Variants in DCC observed in about 807,000 individuals in gnomAD.
DCC encodes the protein DCC netrin 1 receptor.
DCC carries 58 observed loss-of-function variants against 172.5 expected under a neutral mutation model. The observed-to-expected ratio is 0.34, with a 90% CI of 0.27 to 0.42. DCC has a LOEUF of 0.42. DCC is among the 10% of genes least tolerant of loss of function. DCC has a pLI of 1.00. For missense variants in DCC, 1,740 were observed against 1,791.0 expected (o/e 0.97, Z 0.51); for synonymous variants, 709 against 644.5 (o/e 1.10, Z -1.52).
At chr18:52,827,835 C>T (rs1478234263) in intron 2 of DCC, among the ~76,000 whole-genome samples, 1 of 152,212 alleles carries the variant, frequency 6.6e-6, no homozygotes, top group Non-Finnish European at 1.5e-5. Flanking sequence ...CAAGTGAGGG[C>T]TTCAACTGAA....
At chr18:52,929,034 G>C (rs907097915) in intron 5 of DCC, among the ~76,000 whole-genome samples, 2 of 152,052 alleles carry the variant, frequency 1.3e-5, no homozygotes, top group Non-Finnish European at 2.9e-5. Flanking sequence ...CATGTATCCT[G>C]ATCCAGGCTC....
intron 21 of DCC, among the ~76,000 whole-genome samples, chr18:53,417,574 A>G (rs1910391112): frequency 6.6e-6 from 1 of 152,196 alleles, no homozygotes; most frequent in Non-Finnish European, 1.5e-5. Flanking sequence ...TTGCAGTTAT[A>G]AAACAATTGA....
intron 9 of DCC, among the ~76,000 whole-genome samples, chr18:53,198,777 G>C (rs1598897880): frequency 1.3e-5 from 2 of 152,278 alleles, no homozygotes; most frequent in East Asian, 3.9e-4. Context: ...TAGTTGGATA[G>C]GCTGACATTG....
chr18:53,514,539 G>T (rs1252591229), intron 27 of DCC, among the ~76,000 whole-genome samples: 1 of 152,022 alleles, frequency 6.6e-6, no homozygotes, highest in African/African-American at 2.4e-5. Context: ...CAACAAAATT[G>T]ATAGACCACT....
intron 1 of DCC, among the ~76,000 whole-genome samples, chr18:52,361,384 T>C (rs965569731): frequency 7.9e-5 from 12 of 152,226 alleles, no homozygotes; most frequent in African/African-American, 2.7e-4. Flanking sequence ...CTGAGTTGTG[T>C]TTTCTTTCTA....
chr18:52,685,080 C>A (rs1254422109), intron 1 of DCC, among the ~76,000 whole-genome samples: 1 of 151,874 alleles, frequency 6.6e-6, no homozygotes, highest in African/African-American at 2.4e-5. Context: ...CAAATTAGTT[C>A]AATTAAGGAA....
In DCC at chr18:52,448,404, A is replaced by G. The variant is rs1598826706; in HGVS notation, c.91+107526A>G. ...TAATGCTTTGGTGAACAGAGCATAC[A>G]TTTTGTTATTAGAGTAGAATGTTAA... On this transcript the variant is annotated intron_variant, in intron 1 of 28. Coordinates refer to ENST00000442544, the MANE Select transcript of DCC (RefSeq NM_005215.4). 2.0e-5 allele frequency among the ~76,000 whole-genome samples: 3 copies of G among 152,276 alleles called. No homozygotes were observed. In the South Asian group the frequency reaches 6.2e-4, roughly 32 times the overall value.
chr18:52,619,446 G>A (rs1214792628), intron 1 of DCC, among the ~76,000 whole-genome samples: 2 of 152,136 alleles, frequency 1.3e-5, no homozygotes, highest in African/African-American at 4.8e-5. Flanking sequence ...CTTCTGGATT[G>A]GTTTTTTGGT....
At chr18:53,414,831 G>A (rs567834377) in intron 20 of DCC, among the ~76,000 whole-genome samples, 1 of 152,264 alleles carries the variant, frequency 6.6e-6, no homozygotes, top group South Asian at 2.1e-4. Context: ...CTGGGTGACA[G>A]AGCAATAATA....
At chr18:52,451,641 A>G (rs1988308345) in intron 1 of DCC, among the ~76,000 whole-genome samples, 1 of 152,112 alleles carries the variant, frequency 6.6e-6, no homozygotes, top group South Asian at 2.1e-4. Flanking sequence ...AAGTAATAGG[A>G]GGACCAAAAT....
chr18:52,480,246 T>C (rs998649102), intron 1 of DCC, among the ~76,000 whole-genome samples: 1 of 151,122 alleles, frequency 6.6e-6, no homozygotes, highest in Non-Finnish European at 1.5e-5. Context: ...ATTTATTAAA[T>C]AAGAACAGGG....
chr18:53,439,799 C>G (rs1242892894), intron 22 of DCC, among the ~76,000 whole-genome samples: 11 of 123,498 alleles, frequency 8.9e-5, no homozygotes, highest in African/African-American at 2.7e-4. Flanking sequence ...GAGTCTCGCT[C>G]TGTCGCCCAG....
intron 1 of DCC, among the ~76,000 whole-genome samples, chr18:52,443,049 A>G (rs570760656): frequency 5.1e-4 from 78 of 152,258 alleles, no homozygotes; most frequent in Non-Finnish European, 9.3e-4. Flanking sequence ...ACTTCAGTGT[A>G]ACAATGGTAA....
intron 12 of DCC, among the ~76,000 whole-genome samples, chr18:53,264,886 T>A (rs1568400552): frequency 6.6e-6 from 1 of 152,124 alleles, no homozygotes; most frequent in Non-Finnish European, 1.5e-5. Flanking sequence ...CAAAAAAGAT[T>A]CTTGAGAAAC....
intron 2 of DCC, among the ~76,000 whole-genome samples, chr18:52,786,469 A>G (rs1217555320): frequency 6.6e-6 from 1 of 152,122 alleles, no homozygotes; most frequent in Non-Finnish European, 1.5e-5. Flanking sequence ...TGGTAAAAAA[A>G]CAAATTATGA....
At chr18:52,553,498 A>G (rs1410048360) in intron 1 of DCC, among the ~76,000 whole-genome samples, 6 of 152,062 alleles carry the variant, frequency 3.9e-5, no homozygotes, top group Admixed American at 1.3e-4. Flanking sequence ...AGAATGGATC[A>G]ATGAACCACT....
At chr18:53,379,038 C>T (rs563570208) in intron 15 of DCC, among the ~76,000 whole-genome samples, 12 of 152,350 alleles carry the variant, frequency 7.9e-5, no homozygotes, top group African/African-American at 2.9e-4. Context: ...CCAATGCAAT[C>T]ATCCATATTG....
intron 1 of DCC, chr18:52,419,501 G>T (rs970168106): frequency 2.0e-5 from 3 of 152,210 alleles, no homozygotes; most frequent in African/African-American, 7.2e-5. Flanking sequence ...CTACAGTCAT[G>T]TGTTTGAGAA....
At chr18:53,045,969 C>T (rs961414645) in intron 5 of DCC, among the ~76,000 whole-genome samples, 2 of 151,808 alleles carry the variant, frequency 1.3e-5, no homozygotes, top group Non-Finnish European at 2.9e-5. Flanking sequence ...TTTTATGAAT[C>T]TAACCTGTCC....
Sources: gnomAD v4.1 joint callset for allele counts (sites outside exome capture counted in the v4.1 genomes callset) on GRCh38, gnomAD v4.1.1 for gene constraint, MANE v1.5 for transcripts, NCBI Gene and HGNC (gene_info 2026-07-23, HGNC 2026-07-21) for gene names.